The following SIMC1 variants were observed in gnomAD, a reference collection of about 807,000 sequenced individuals.
SIMC1 encodes SUMO interacting motifs containing 1.
A neutral mutation model predicts 82.3 loss-of-function variants in SIMC1; 55 were observed. The observed-to-expected ratio is 0.67, with a 90% CI of 0.54 to 0.84. The LOEUF (loss-of-function observed/expected upper bound fraction) is 0.84. SIMC1 is among the 40% of genes least tolerant of loss of function. The pLI, the probability that SIMC1 is intolerant of heterozygous loss-of-function variation, is 0.00. For missense variants in SIMC1, 915 were observed against 1,107.2 expected, an observed-to-expected ratio of 0.83 and a Z score of 2.46; for synonymous variants, 353 against 426.3, an observed-to-expected ratio of 0.83 and a Z score of 2.12.
chr5:176,247,158 G>T (rs910951696), intron 1 of SIMC1, among the ~76,000 whole-genome samples: 8 of 152,152 alleles, frequency 5.3e-5, no homozygotes, highest in Admixed American at 3.3e-4. Context: ...GGTATTTCTG[G>T]TTCTAGATCC....
chr5:176,305,816 C>T (rs1273206246), intron 4 of SIMC1, among the ~76,000 whole-genome samples: 4 of 67,734 alleles, frequency 5.9e-5, no homozygotes, highest in South Asian at 5.0e-4. Context: ...GGGGCGTCAG[C>T]CCCCCGCCCG....
chr5:176,321,059 C>T (rs1765135640), intron 5 of SIMC1, among the ~76,000 whole-genome samples: 1 of 152,166 alleles, frequency 6.6e-6, no homozygotes, highest in African/African-American at 2.4e-5. Context: ...CCTCATCACC[C>T]ACCTTGCACC....
chr5:176,331,357 G>T (rs557779024), intron 7 of SIMC1, among the ~76,000 whole-genome samples: 1 of 128,266 alleles, frequency 7.8e-6, no homozygotes, highest in South Asian at 2.9e-4. Context: ...GCGACAGAGC[G>T]AGACTCTGTC....
chr5:176,324,379 C>T (rs1227584536), intron 6 of SIMC1, among the ~76,000 whole-genome samples: 1 of 152,068 alleles, frequency 6.6e-6, no homozygotes, highest in Non-Finnish European at 1.5e-5. Flanking sequence ...AAGCAGCTTG[C>T]TTTTACAGCT....
chr5:176,340,846 T>C (rs1271148752), intron 9 of SIMC1, among the ~76,000 whole-genome samples: 1 of 152,210 alleles, frequency 6.6e-6, no homozygotes, highest in Non-Finnish European at 1.5e-5. Context: ...AAGTGATACC[T>C]CATCTAAGAC....
intron 7 of SIMC1, among the ~76,000 whole-genome samples, chr5:176,335,514 G>A (rs1765853924): frequency 6.6e-6 from 1 of 151,736 alleles, no homozygotes; most frequent in Admixed American, 6.6e-5. Flanking sequence ...CTGAGCTCAG[G>A]CAGTCCACCC....
chr5:176,277,062 C>T (rs1324144235), intron 1 of SIMC1, among the ~76,000 whole-genome samples: 1 of 151,650 alleles, frequency 6.6e-6, no homozygotes, highest in Non-Finnish European at 1.5e-5. Flanking sequence ...ACAGTCCCAC[C>T]AACAGTGTAA....
intron 1 of SIMC1, chr5:176,263,548 A>T: frequency 7.1e-7 from 1 of 1,411,996 alleles, no homozygotes; most frequent in Non-Finnish European, 9.3e-7. Context: ...AAGAACATTC[A>T]TATTTTGCAG....
chr5:176,293,683 G>C (rs1412318390), intron 2 of SIMC1, among the ~76,000 whole-genome samples: 1 of 151,834 alleles, frequency 6.6e-6, no homozygotes, highest in African/African-American at 2.4e-5. Flanking sequence ...GGGAGGCAGA[G>C]GTTGCAGTGA....
At chr5:176,336,960 A>G in intron 8 of SIMC1, 84 bp downstream of exon 8, 1 of 1,601,398 alleles carries the variant, frequency 6.2e-7, no homozygotes, top group Non-Finnish European at 8.5e-7. Flanking sequence ...TTTTAGCTTA[A>G]AACACAACTG....
intron 1 of SIMC1, among the ~76,000 whole-genome samples, chr5:176,278,056 T>C (rs566800672): frequency 1.6e-5 from 2 of 126,712 alleles, no homozygotes; most frequent in East Asian, 4.4e-4. Flanking sequence ...GCCATTTTCA[T>C]GATATTGATT....
chr5:176,305,823 C>T (rs1764332742), intron 4 of SIMC1, among the ~76,000 whole-genome samples: 2 of 71,084 alleles, frequency 2.8e-5, no homozygotes, highest in Non-Finnish European at 6.1e-5. Flanking sequence ...CAGCCCCCCG[C>T]CCGGCCAGCC....
At chr5:176,317,284 C>A (rs1056912084) in intron 5 of SIMC1, among the ~76,000 whole-genome samples, 1 of 152,124 alleles carries the variant, frequency 6.6e-6, no homozygotes, top group Admixed American at 6.6e-5. Context: ...TCCATATGAA[C>A]CCTTCTTAAG....
At chr5:176,305,843 G>T (rs1470403016) in intron 4 of SIMC1, among the ~76,000 whole-genome samples, 1 of 74,418 alleles carries the variant, frequency 1.3e-5, no homozygotes, top group African/African-American at 5.7e-5. Flanking sequence ...CGCCCCGTCC[G>T]GGAGGGAGGT....
chr5:176,242,594 ACT>A (rs1437592778), intron 1 of SIMC1, among the ~76,000 whole-genome samples: 4 of 151,854 alleles, frequency 2.6e-5, no homozygotes, highest in Admixed American at 6.6e-5. Context: ...ATTGAAAAAA[ACT>A]CTCTTGTAAG....
At chr5:176,279,309 T>C (rs922121115) in intron 1 of SIMC1, among the ~76,000 whole-genome samples, 31 of 152,282 alleles carry the variant, frequency 2.0e-4, no homozygotes, top group Admixed American at 1.0e-3. Context: ...TCTGTGGGAT[T>C]GGTGGTGATA....
Position 176,289,854 on chromosome 5 carries a change from A to C in SIMC1, c.330A>C (p.Glu110Asp), listed in dbSNP as rs778641328. ...GCCTCTCTGGCAAAGCGGTGATGGA[A>C]GGGCACGTGGACAGAAGCTCTCAGC... ...CASLSGKAVM[E>D]GHVDRSSQPT... The change falls in exon 2 of 10, where the codon GAA becomes GAC. Residue 110 changes from glutamate (E) to aspartate (D), a missense_variant. Around this residue, in one of 2 missense-constraint regions of SIMC1, gnomAD observed 902 missense variants for 1,040.3 expected, o/e 0.87. Coordinates refer to ENST00000429602, the MANE Select transcript of SIMC1 (RefSeq NM_001308195.2). The C allele has an allele frequency of 6.2e-7, 1 of 1,613,952 alleles. No homozygotes were observed. Among genetic ancestry groups the C allele is most frequent in the Admixed American group, 1.7e-5 (1 of 60,024 alleles).
At chr5:176,344,134 T>A (rs1048063277) in intron 9 of SIMC1, among the ~76,000 whole-genome samples, 1 of 152,078 alleles carries the variant, frequency 6.6e-6, no homozygotes, top group Admixed American at 6.6e-5. Flanking sequence ...TCTAATAGTG[T>A]CCCAGTAATA....
At chr5:176,343,919 C>T (rs373563620) in intron 9 of SIMC1, among the ~76,000 whole-genome samples, 48 of 152,046 alleles carry the variant, frequency 3.2e-4, no homozygotes, top group African/African-American at 1.1e-3. Context: ...CTCAGGCTTC[C>T]GAGTAGCTGG....
Sources: gnomAD v4.1 joint callset for allele counts (sites outside exome capture counted in the v4.1 genomes callset) on GRCh38, gnomAD v4.1.1 for gene constraint, gnomAD v4.1.1 regional missense constraint, MANE v1.5 for transcripts, NCBI Gene and HGNC (gene_info 2026-07-23, HGNC 2026-07-21) for gene names.